Variants in KSR1 observed in about 807,000 individuals in gnomAD.
KSR1 encodes kinase suppressor of ras.
Under a neutral mutation model 92.9 loss-of-function variants are expected in KSR1, and 35 were observed. The observed-to-expected ratio is 0.38, with a 90% CI of 0.29 to 0.50. KSR1 has a LOEUF of 0.50. Ranked by LOEUF, KSR1 falls within the 20% of genes least tolerant of loss-of-function variation. The pLI, the probability that KSR1 is intolerant of heterozygous loss-of-function variation, is 0.94. For synonymous variants in KSR1, 467 were observed against 472.6 expected (o/e 0.99, Z 0.15); for missense variants, 972 against 1,158.5 (o/e 0.84, Z 2.34).
At chr17:27,535,139 T>C (rs988043821) in intron 1 of KSR1, among the ~76,000 whole-genome samples, 28 of 152,132 alleles carry the variant, frequency 1.8e-4, no homozygotes, top group Non-Finnish European at 4.4e-5. Context: ...AAAATCATGC[T>C]TTCCTGGGTG....
chr17:27,498,963 G>A (rs2069086645), intron 1 of KSR1, among the ~76,000 whole-genome samples: 1 of 152,168 alleles, frequency 6.6e-6, no homozygotes, highest in Admixed American at 6.5e-5. Context: ...TCTGAGTTAG[G>A]TTTTGAGGAC....
At chr17:27,488,179 C>T (rs1352957855) in intron 1 of KSR1, among the ~76,000 whole-genome samples, 1 of 152,178 alleles carries the variant, frequency 6.6e-6, no homozygotes, top group African/African-American at 2.4e-5. Flanking sequence ...ATCATACATT[C>T]AAAACATATA....
At chr17:27,602,686 T>TG (rs1483476358) in intron 11 of KSR1, among the ~76,000 whole-genome samples, 2 of 152,172 alleles carry the variant, frequency 1.3e-5, no homozygotes, top group Non-Finnish European at 2.9e-5. Flanking sequence ...ATTTGAGCAG[T>TG]GTGGGATGGG....
intron 6 of KSR1, among the ~76,000 whole-genome samples, chr17:27,590,610 A>C (rs1307376068): frequency 6.6e-6 from 1 of 152,206 alleles, no homozygotes; most frequent in African/African-American, 2.4e-5. Flanking sequence ...ATTGACAATG[A>C]TGACTTTGCA....
At chr17:27,535,621 A>G (rs558790907) in intron 1 of KSR1, among the ~76,000 whole-genome samples, 4 of 152,146 alleles carry the variant, frequency 2.6e-5, no homozygotes, top group East Asian at 1.9e-4. Context: ...TTCCTTCTGC[A>G]CTCTTCCCCA....
intron 1 of KSR1, among the ~76,000 whole-genome samples, chr17:27,534,851 C>T (rs558958333): frequency 2.0e-5 from 3 of 152,326 alleles, no homozygotes; most frequent in South Asian, 4.1e-4. Flanking sequence ...AATATTATTC[C>T]TGGGTTTCAG....
intron 1 of KSR1, among the ~76,000 whole-genome samples, chr17:27,479,122 G>A (rs1474901564): frequency 2.1e-5 from 3 of 145,662 alleles, no homozygotes; most frequent in African/African-American, 7.8e-5. Context: ...CTCCCTCTGT[G>A]CTCCTGTCTC....
At chr17:27,484,810 C>T (rs2068616798) in intron 1 of KSR1, among the ~76,000 whole-genome samples, 1 of 152,210 alleles carries the variant, frequency 6.6e-6, no homozygotes, top group African/African-American at 2.4e-5. Context: ...GAGGATGCTC[C>T]AGGCAGGGGA....
chr17:27,558,526 G>A (rs556604533), intron 2 of KSR1, among the ~76,000 whole-genome samples: 2 of 152,162 alleles, frequency 1.3e-5, no homozygotes, highest in Admixed American at 6.5e-5. Context: ...GAACGAAGAT[G>A]AGAGCCCGTG....
intron 1 of KSR1, among the ~76,000 whole-genome samples, chr17:27,541,554 G>A (rs368081217): frequency 2.0e-3 from 311 of 152,342 alleles, no homozygotes; most frequent in Non-Finnish European, 3.3e-3. Flanking sequence ...CAGTCTAGGC[G>A]TGGCTGGATT....
At chr17:27,603,168 G>A (rs571420205) in intron 11 of KSR1, among the ~76,000 whole-genome samples, 3 of 152,298 alleles carry the variant, frequency 2.0e-5, no homozygotes, top group Non-Finnish European at 4.4e-5. Context: ...GACTTTTAGC[G>A]CCAAAACTGG....
At chr17:27,615,957 G>GA (rs2074042600) in intron 18 of KSR1, among the ~76,000 whole-genome samples, 1 of 152,206 alleles carries the variant, frequency 6.6e-6, no homozygotes, top group African/African-American at 2.4e-5. Flanking sequence ...GTGCCTTGTT[G>GA]AGAAGTCTGG....
At position 27,622,136 on chromosome 17, in the gene KSR1, A is replaced by T. The variant is rs2074241217; in HGVS notation, c.2708+863A>T. The T allele has an allele frequency of 6.6e-6, 4 of 602,800 alleles. No homozygotes were observed. The Admixed American group carries it at 1.1e-4, about 17-fold the overall frequency. The allele number at this position is 602,800 out of a possible 1,614,324, so 37.3% of individuals were successfully genotyped here. On this transcript the variant is annotated intron_variant, in intron 20 of 20. Coordinates refer to ENST00000644974, the MANE Select transcript of KSR1 (RefSeq NM_001394583.1). ...TCTGCCCTCTCCACGTGGCCTGCATATGCCCAAGTAACTGCTCTCAGAGGA... is the reference window on the plus strand; with the variant it reads ...TCTGCCCTCTCCACGTGGCCTGCATTTGCCCAAGTAACTGCTCTCAGAGGA...
chr17:27,526,275 A>G (rs545183350), intron 1 of KSR1: 24 of 693,598 alleles, frequency 3.5e-5, no homozygotes. Flanking sequence ...AGTGACTACT[A>G]CCACTCAAAT....
intron 1 of KSR1, among the ~76,000 whole-genome samples, chr17:27,535,904 C>G (rs1013095110): frequency 6.6e-5 from 10 of 152,226 alleles, no homozygotes; most frequent in Non-Finnish European, 1.2e-4. Flanking sequence ...CAGAATTACC[C>G]CTAGTGACAT....
chr17:27,478,916 CCATCCATGCTCCTCCCTT>C, intron 1 of KSR1, among the ~76,000 whole-genome samples: 6 of 152,034 alleles, frequency 3.9e-5, no homozygotes, highest in African/African-American at 1.5e-4. Context: ...GGGTGGACTT[CCATCCATGCTCCTCCCTT>C]CATCCATGCT....
At chr17:27,474,706 A>T (rs1340794699) in intron 1 of KSR1, among the ~76,000 whole-genome samples, 1 of 152,224 alleles carries the variant, frequency 6.6e-6, no homozygotes, top group Non-Finnish European at 1.5e-5. Context: ...ACTGGGCACT[A>T]TTCTTAGCTC....
intron 1 of KSR1, among the ~76,000 whole-genome samples, chr17:27,546,689 T>C (rs2071186428): frequency 6.6e-6 from 1 of 152,044 alleles, no homozygotes; most frequent in Non-Finnish European, 1.5e-5. Context: ...GCTGGGGGGC[T>C]GGGGGAAGTT....
chr17:27,457,387 G>C (rs1426961161), intron 1 of KSR1, among the ~76,000 whole-genome samples: 2 of 152,190 alleles, frequency 1.3e-5, no homozygotes, highest in Non-Finnish European at 2.9e-5. Context: ...TTTTCAAAAA[G>C]TGTTGCTGAA....
Sources: gnomAD v4.1 joint callset for allele counts (sites outside exome capture counted in the v4.1 genomes callset) on GRCh38, gnomAD v4.1.1 for gene constraint, MANE v1.5 for transcripts, NCBI Gene and HGNC (gene_info 2026-07-23, HGNC 2026-07-21) for gene names.